Variants in ZNF749 observed in about 807,000 individuals in gnomAD.
ZNF749 encodes the protein zinc finger protein 749.
ZNF749 carries 8 observed loss-of-function variants against 7.3 expected under a neutral mutation model. That is an observed-to-expected ratio of 1.10 (90% confidence interval 0.64 to 1.98). The LOEUF is 1.98. Ranked by LOEUF, ZNF749 falls within the 30% of genes most tolerant of loss-of-function variation. ZNF749 has a pLI of 0.00. For missense variants in ZNF749, 898 were observed against 932.4 expected, an observed-to-expected ratio of 0.96 and a Z score of 0.48; for synonymous variants, 310 against 322.4, an observed-to-expected ratio of 0.96 and a Z score of 0.41.
rs539752597 is a variant in ZNF749, at chr19:57,439,636, G to A, written c.16-2249G>A. On this transcript the variant is annotated intron_variant, in intron 1 of 2. Transcript: ENST00000334181. The surrounding 1 kb of genome is among the most constrained non-coding windows in gnomAD (Gnocchi z 4.3). ...GCTGGGTGTGGTGGCGTCTCTCTGT[G>A]GTCTCAGCTAATCGGCGTGCTGAGG... Among the ~76,000 whole-genome samples the A allele has an allele frequency of 2.0e-5, 3 of 151,962 alleles. No individual in the cohort carries two copies. The highest frequency in any genetic ancestry group is 2.9e-5 in the Non-Finnish European group (2 of 68,000).
upstream of ZNF749, among the ~76,000 whole-genome samples, chr19:57,435,097 A>C (rs1184271519): frequency 6.6e-6 from 1 of 152,090 alleles, no homozygotes; most frequent in Non-Finnish European, 1.5e-5. Flanking sequence ...GCATTTCTTA[A>C]CGCTCCTCCA....
At chr19:57,429,046 G>C in the ZNF749 span, among the ~76,000 whole-genome samples, 1 of 151,984 alleles carries the variant, frequency 6.6e-6, no homozygotes, top group Non-Finnish European at 1.5e-5. This position sits in a 1 kb window ranked among gnomAD's most constrained non-coding sequence, Gnocchi z 4.2. Flanking sequence ...GTGTGTGTGT[G>C]GTAGAGTTTC....
intron 1 of ZNF749, among the ~76,000 whole-genome samples, chr19:57,441,683 G>A (rs2088991223): frequency 6.6e-6 from 1 of 152,202 alleles, no homozygotes; most frequent in African/African-American, 2.4e-5. Context: ...GACAGGGCTT[G>A]TGTTGATTAG....
chr19:57,443,336 G>A lies in ZNF749; in HGVS notation c.188G>A (p.Cys63Tyr). ...AKDEEVPSKQ[C>Y]VSVRVLQVTI... ...GATGAGGAGGTACCTTCCAAGCAGT[G>A]TGTTTCTGTAAGAGTGTTACAGGTC... The change falls in exon 3 of 3, where the codon TGT (cysteine) becomes TAT (tyrosine). Residue 63 changes from cysteine (C) to tyrosine (Y), a missense_variant. Cys to Tyr is a radical substitution (Grantham distance 194). Transcript: ENST00000334181. 3 of 1,613,688 alleles carry A rather than the reference G, an allele frequency of 1.9e-6. No homozygotes were observed. The highest frequency in any genetic ancestry group is 1.7e-6 in the Non-Finnish European group (2 of 1,179,694).
In ZNF749 at chr19:57,436,023, G is replaced by A. The variant is rs934104096; in HGVS notation, c.15+430G>A. On this transcript the variant is annotated intron_variant, in intron 1 of 2. Transcript: ENST00000334181. This position sits in a 1 kb window ranked among gnomAD's most constrained non-coding sequence, Gnocchi z 4.0. ...AGACCCCTTGAGTTATGGTAGGGCT[G>A]GGCCAGAGGGGTTGCAGTAGAGGGG... Among the ~76,000 whole-genome samples, 21 of 152,180 alleles carry A rather than the reference G, an allele frequency of 1.4e-4. No homozygotes were observed. Among genetic ancestry groups the A allele is most frequent in the Non-Finnish European group, 8.8e-5 (6 of 68,020 alleles).
rs767371483 is a variant in ZNF749 at position 57,443,355 on chromosome 19, A to G, written c.207A>G (p.Leu69=). The change falls in exon 3 of 3, where the codon TTA becomes TTG. Residue 69 remains leucine, a synonymous_variant. Coordinates refer to ENST00000334181, the MANE Select transcript of ZNF749 (RefSeq NM_001023561.4). ...PSKQCVSVRV[L]QVTIPKPALS... is the part of the protein sequence containing the mutation. Reference sequence around the variant, plus strand: ...AGCAGTGTGTTTCTGTAAGAGTGTTACAGGTCACAATTCCAAAGCCAGCTT... The same window carrying G: ...AGCAGTGTGTTTCTGTAAGAGTGTTGCAGGTCACAATTCCAAAGCCAGCTT... 1 of 1,614,152 alleles carries G rather than the reference A, an allele frequency of 6.2e-7. No individual in the cohort carries two copies. Among genetic ancestry groups the G allele is most frequent in the Non-Finnish European group, 8.5e-7 (1 of 1,179,972 alleles).
At chr19:57,430,763 A>C (rs771172814), upstream of ZNF749, among the ~76,000 whole-genome samples, 7 of 152,148 alleles carry the variant, frequency 4.6e-5, no homozygotes, top group Non-Finnish European at 7.4e-5. Context: ...AAGATTAGGC[A>C]GGGTACGGTG....
In ZNF749 at chr19:57,445,636, A is replaced by C. The variant is rs2089057128; in HGVS notation, c.*151A>C. 1 of 884,690 alleles carries C rather than the reference A, an allele frequency of 1.1e-6. No homozygotes were observed. Among genetic ancestry groups the C allele is most frequent in the Non-Finnish European group, 1.4e-6 (1 of 738,426 alleles). The allele number at this position is 884,690 out of a possible 1,614,324, so 54.8% of individuals were successfully genotyped here. A position where few individuals can be genotyped will look rare whatever the true frequency, so the allele number is the denominator to read the frequency against. On this transcript the variant is annotated 3_prime_UTR_variant, in exon 3 of 3. Coordinates refer to ENST00000334181, the MANE Select transcript of ZNF749 (RefSeq NM_001023561.4). ...GGATTTCCTGCTGGGAACTACATTA[A>C]AAACATTTATGTCCAGGCGTGGTGG...
At position 57,435,572 on chromosome 19, in the gene ZNF749, C is replaced by T; in HGVS notation, c.-7C>T. 1 of 1,604,948 alleles carries T rather than the reference C, an allele frequency of 6.2e-7. No individual in the cohort carries two copies. The highest frequency in any genetic ancestry group is 8.5e-7 in the Non-Finnish European group (1 of 1,177,030). On this transcript the variant is annotated 5_prime_UTR_variant, in exon 1 of 3. Coordinates refer to ENST00000334181, the MANE Select transcript of ZNF749 (RefSeq NM_001023561.4). ...CTTCCCTGGGTGGACTGGAGGAGGCCGCGCCGATGAACCTGACCGAGGTGC... is the reference window on the plus strand; with the variant it reads ...CTTCCCTGGGTGGACTGGAGGAGGCTGCGCCGATGAACCTGACCGAGGTGC...
upstream of ZNF749, among the ~76,000 whole-genome samples, chr19:57,434,959 G>C (rs1012596360): frequency 1.3e-5 from 2 of 152,216 alleles, no homozygotes; most frequent in African/African-American, 4.8e-5. Flanking sequence ...CTGTGCTTCA[G>C]AGAATCTGAA....
Position 57,435,525 on chromosome 19 carries a change from T to C in ZNF749, c.-54T>C. The stretch of plus-strand genomic sequence containing the variant: ...GCCCCTGCCTCCGTCAGCGTCCAGG[T>C]GACCGCCGTTCCCGCCCCGCTCTTC... On this transcript the variant is annotated 5_prime_UTR_variant, in exon 1 of 3. Transcript: ENST00000334181. 3 of 1,573,090 alleles carry C rather than the reference T, an allele frequency of 1.9e-6. No individual in the cohort carries two copies. Among genetic ancestry groups the C allele is most frequent in the South Asian group, 2.3e-5 (2 of 86,064 alleles).
Position 57,442,147 on chromosome 19 carries a change from T to G in ZNF749, c.142+136T>G. 1 of 1,201,860 alleles carries G rather than the reference T, an allele frequency of 8.3e-7. No individual in the cohort carries two copies. Among genetic ancestry groups the G allele is most frequent in the Non-Finnish European group, 1.2e-6 (1 of 856,576 alleles). The allele number at this position is 1,201,860 out of a possible 1,614,324, so 74.4% of individuals were successfully genotyped here. A position where few individuals can be genotyped will look rare whatever the true frequency, so the allele number is the denominator to read the frequency against. On this transcript the variant is annotated intron_variant, in intron 2 of 2. Transcript: ENST00000334181. The surrounding 1 kb of genome is among the most constrained non-coding windows in gnomAD (Gnocchi z 6.6). Reference sequence around the variant, plus strand: ...TCTCCTGGTTTCCTGGCAAATGTGATAAGGCAGCCAGAGCTGGGCTGTGTA... The same window carrying G: ...TCTCCTGGTTTCCTGGCAAATGTGAGAAGGCAGCCAGAGCTGGGCTGTGTA...
rs1349613026 is a variant in ZNF749, at chr19:57,445,514, CTG to C, written c.*31_*32del. ...AGTGAATGCAGGAAAGTCACCAAAA[CTG>C]TCACCTCATTCAGCACCAAAAGGTT... On this transcript the variant is annotated 3_prime_UTR_variant, in exon 3 of 3. Transcript: ENST00000334181. The C allele has an allele frequency of 8.9e-6, 14 of 1,573,814 alleles. No homozygotes were observed. Among genetic ancestry groups the C allele is most frequent in the Middle Eastern group, 1.7e-4 (1 of 5,880 alleles).
In ZNF749 at chr19:57,445,481, C is replaced by G; in HGVS notation, c.2333C>G (p.Pro778Arg). 6.2e-7 allele frequency: 1 copy of G among 1,602,180 alleles called. No individual in the cohort carries two copies. The highest frequency in any genetic ancestry group is 8.5e-7 in the Non-Finnish European group (1 of 1,173,968). Residue 778 changes from proline to arginine, a missense_variant, in exon 3 of 3, where the codon CCT becomes CGT. By Grantham distance (103) the Pro-to-Arg change is moderately radical. Transcript: ENST00000334181. ...KHQIIHTGKR[P>R] is the part of the protein sequence containing the mutation. The stretch of plus-strand genomic sequence containing the variant: ...CAGATAATTCATACTGGAAAAAGGC[C>G]TTAGTGGAGTGAATGCAGGAAAGTC...
Position 57,441,889 on chromosome 19 carries a change from G to T in ZNF749, c.20G>T (p.Cys7Phe), listed in dbSNP as rs751707145. ...GAAGTGTCATAATTTTGGCAGGATT[G>T]TATGGTCTTTGAGGATGTGGCCATA... MNLTED[C>F]MVFEDVAIYF... Residue 7 changes from cysteine (C) to phenylalanine (F), a missense_variant, in exon 2 of 3, where the codon TGT becomes TTT. Coordinates refer to ENST00000334181, the MANE Select transcript of ZNF749 (RefSeq NM_001023561.4). The T allele has an allele frequency of 1.2e-6, 2 of 1,614,154 alleles. No individual in the cohort carries two copies. Among genetic ancestry groups the T allele is most frequent in the Admixed American group, 1.7e-5 (1 of 60,014 alleles).
Position 57,444,933 on chromosome 19 carries a change from C to T in ZNF749, c.1785C>T (p.Asp595=), listed in dbSNP as rs754419278. The T allele has an allele frequency of 3.2e-5, 51 of 1,612,992 alleles. No homozygotes were observed. Among genetic ancestry groups the T allele is most frequent in the African/African-American group, 4.0e-5 (3 of 74,864 alleles). The part of the protein sequence containing the change: ...ECNECGKFFL[D]SYKLVIHQRI... Reference sequence around the variant, plus strand: ...ATGAATGTGGGAAATTCTTTTTGGACAGCTACAAACTTGTTATTCATCAGA... The same window carrying T: ...ATGAATGTGGGAAATTCTTTTTGGATAGCTACAAACTTGTTATTCATCAGA... Residue 595 remains aspartate (D), a synonymous_variant, in exon 3 of 3, where the codon GAC becomes GAT. Coordinates refer to ENST00000334181, the MANE Select transcript of ZNF749 (RefSeq NM_001023561.4).
At chr19:57,430,145 A>G in the ZNF749 span, among the ~76,000 whole-genome samples, 1 of 152,252 alleles carries the variant, frequency 6.6e-6, no homozygotes, top group Non-Finnish European at 1.5e-5. Flanking sequence ...TTGTGCTTCT[A>G]TAACAGAATA....
chr19:57,435,594 G>A lies in ZNF749; in HGVS notation c.15+1G>A. 6.2e-7 allele frequency: 1 copy of A among 1,606,668 alleles called. No homozygotes were observed. Among genetic ancestry groups the A allele is most frequent in the Non-Finnish European group, 8.5e-7 (1 of 1,177,624 alleles). ...GGCCGCGCCGATGAACCTGACCGAGGTGCGTGCAGCGTCCCAGGCCGCCCC... is the reference window on the plus strand; with the variant it reads ...GGCCGCGCCGATGAACCTGACCGAGATGCGTGCAGCGTCCCAGGCCGCCCC... On this transcript the variant is annotated splice_donor_variant, in intron 1 of 2. Transcript: ENST00000334181. LOFTEE classifies it high-confidence loss of function.
At chr19:57,435,907 A>G (rs1330248471) in intron 1 of ZNF749, among the ~76,000 whole-genome samples, 1 of 152,240 alleles carries the variant, frequency 6.6e-6, no homozygotes, top group Non-Finnish European at 1.5e-5. Flanking sequence ...AGGGCTGTGC[A>G]GGGAGGACGA....
Sources: allele counts gnomAD v4.1 joint callset (sites outside exome capture counted in the v4.1 genomes callset), GRCh38; gene constraint gnomAD v4.1.1; non-coding constraint Gnocchi (gnomAD v3.1); transcripts MANE v1.5; gene names NCBI Gene and HGNC (gene_info 2026-07-23, HGNC 2026-07-21).